Variants in MYO5B observed in about 807,000 individuals in gnomAD.
MYO5B encodes unconventional myosin-Vb.
MYO5B carries 143 observed loss-of-function variants against 229.3 expected under a neutral mutation model. That is an observed-to-expected ratio of 0.62 (90% CI 0.54 to 0.72). The LOEUF (loss-of-function observed/expected upper bound fraction) is 0.72, where lower values mean the gene tolerates loss of function less well. Among genes scored for constraint, MYO5B ranks in the 30% least tolerant of loss-of-function variants. The pLI is 0.00. For missense variants in MYO5B, 2,321 were observed against 2,331.0 expected (o/e 1.00, Z 0.09); for synonymous variants, 918 against 885.2 (o/e 1.04, Z -0.66).
intron 1 of MYO5B, among the ~76,000 whole-genome samples, chr18:50,094,196 T>G (rs1410733231): frequency 6.6e-6 from 1 of 152,182 alleles, no homozygotes; most frequent in African/African-American, 2.4e-5. Context: ...ACGGGTTGAT[T>G]TGGAAAGATA....
At chr18:50,032,354 G>C (rs1168041401) in intron 4 of MYO5B, among the ~76,000 whole-genome samples, 2 of 152,130 alleles carry the variant, frequency 1.3e-5, no homozygotes, top group Non-Finnish European at 2.9e-5. Flanking sequence ...ATAACTCTCA[G>C]AAATCATGCT....
At chr18:49,912,865 G>C (rs1043401950) in intron 17 of MYO5B, among the ~76,000 whole-genome samples, 3 of 152,218 alleles carry the variant, frequency 2.0e-5, no homozygotes, top group Non-Finnish European at 4.4e-5. Context: ...GCCTTACCTA[G>C]AGCACAGCTT....
At chr18:50,003,748 T>G (rs1383146034) in intron 4 of MYO5B, among the ~76,000 whole-genome samples, 5 of 152,236 alleles carry the variant, frequency 3.3e-5, no homozygotes, top group Non-Finnish European at 7.3e-5. Flanking sequence ...CCCAAATTTG[T>G]GTGTTCAGCC....
chr18:50,049,769 C>T (rs760581588), intron 2 of MYO5B, among the ~76,000 whole-genome samples: 5 of 152,152 alleles, frequency 3.3e-5, no homozygotes, highest in Non-Finnish European at 7.3e-5. Context: ...CTGCCCCACT[C>T]ATCTCTAATC....
chr18:49,845,393 C>G (rs1213614389), intron 33 of MYO5B, among the ~76,000 whole-genome samples: 2 of 152,202 alleles, frequency 1.3e-5, no homozygotes, highest in Non-Finnish European at 2.9e-5. Flanking sequence ...TCTGTTCTTC[C>G]TGGGTCCCTC....
intron 1 of MYO5B, among the ~76,000 whole-genome samples, chr18:50,131,225 C>G (rs1403407937): frequency 1.3e-5 from 2 of 152,214 alleles, no homozygotes; most frequent in African/African-American, 2.4e-5. Flanking sequence ...GAAAGGGAGT[C>G]CTAATTTGAA....
intron 4 of MYO5B, among the ~76,000 whole-genome samples, chr18:50,007,712 C>T (rs1161615887): frequency 1.3e-5 from 2 of 152,230 alleles, no homozygotes; most frequent in Non-Finnish European, 2.9e-5. Context: ...CCCCTTTGAT[C>T]TCACAGCTCT....
chr18:49,986,537 A>C (rs1025016498), intron 7 of MYO5B, among the ~76,000 whole-genome samples: 1 of 152,230 alleles, frequency 6.6e-6, no homozygotes, highest in Non-Finnish European at 1.5e-5. Flanking sequence ...ACTTGAACTG[A>C]GAGAGGAAGG....
chr18:49,985,587 C>T (rs1222047832), intron 7 of MYO5B, among the ~76,000 whole-genome samples: 1 of 152,120 alleles, frequency 6.6e-6, no homozygotes, highest in Non-Finnish European at 1.5e-5. Flanking sequence ...TGCATGTAAT[C>T]GAAGTTACCC....
intron 16 of MYO5B, among the ~76,000 whole-genome samples, chr18:49,930,796 G>A (rs975874566): frequency 6.6e-6 from 1 of 151,780 alleles, no homozygotes; most frequent in African/African-American, 2.4e-5. Context: ...GGAGGCTGAG[G>A]CAGAAGAATG....
At chr18:50,131,481 C>T (rs1289355135) in intron 1 of MYO5B, among the ~76,000 whole-genome samples, 1 of 152,250 alleles carries the variant, frequency 6.6e-6, no homozygotes, top group Admixed American at 6.5e-5. Context: ...CTCCCTCACT[C>T]CTGCCACTTC....
At chr18:50,044,400 C>T (rs1286931250) in intron 2 of MYO5B, among the ~76,000 whole-genome samples, 2 of 152,110 alleles carry the variant, frequency 1.3e-5, no homozygotes, top group Non-Finnish European at 2.9e-5. Flanking sequence ...ACAAAAGATT[C>T]CATCCACTCC....
intron 1 of MYO5B, 54 bp downstream of exon 1, chr18:50,194,713 G>A (rs2033277228): frequency 1.6e-6 from 2 of 1,286,794 alleles, no homozygotes; most frequent in South Asian, 1.3e-5. Flanking sequence ...AGTACTAGGT[G>A]GCCCCGAGCG....
At chr18:50,175,354 C>A (rs550001156) in intron 1 of MYO5B, among the ~76,000 whole-genome samples, 1 of 152,300 alleles carries the variant, frequency 6.6e-6, no homozygotes, top group East Asian at 1.9e-4. Flanking sequence ...TCCTAAAAGA[C>A]AACAGGTGGT....
At chr18:49,968,588 C>A (rs1270124755) in intron 10 of MYO5B, among the ~76,000 whole-genome samples, 3 of 152,106 alleles carry the variant, frequency 2.0e-5, no homozygotes, top group Non-Finnish European at 4.4e-5. Flanking sequence ...TTCCTTCAGG[C>A]CCCCCAATAA....
rs150271721 is a variant in MYO5B, at chr18:50,101,748, G to C, written c.28-46370C>G. Among the ~76,000 whole-genome samples, 25 of 152,318 alleles carry C rather than the reference G, an allele frequency of 1.6e-4. 1 individual carries two copies. The East Asian group carries it at 3.7e-3, about 22-fold the overall frequency. On this transcript the variant is annotated intron_variant, in intron 1 of 39. Transcript: ENST00000285039. Reference sequence around the variant, plus strand: ...AAAAGTAAAGAAACAATAGATGCTGGTGAGGCTGTGGAGAAATAGGAATGC... The same window carrying C: ...AAAAGTAAAGAAACAATAGATGCTGCTGAGGCTGTGGAGAAATAGGAATGC...
At chr18:50,002,398 C>T (rs1326376781) in intron 4 of MYO5B, among the ~76,000 whole-genome samples, 1 of 152,056 alleles carries the variant, frequency 6.6e-6, no homozygotes, top group East Asian at 1.9e-4. Flanking sequence ...CCCTTTAAAA[C>T]ACGTAGTAGG....
chr18:49,941,505 TAA>T (rs1296191300), intron 14 of MYO5B, among the ~76,000 whole-genome samples: 1 of 152,244 alleles, frequency 6.6e-6, no homozygotes, highest in Admixed American at 6.5e-5. Flanking sequence ...TGGAAGGAGA[TAA>T]AGAGACAAAT....
chr18:49,934,839 A>G (rs1787595), intron 16 of MYO5B, among the ~76,000 whole-genome samples: 2 of 152,008 alleles, frequency 1.3e-5, no homozygotes, highest in Non-Finnish European at 2.9e-5. Context: ...TTACATGACC[A>G]GAGTGTAGAA....
Sources: allele counts gnomAD v4.1 joint callset (sites outside exome capture counted in the v4.1 genomes callset), GRCh38; gene constraint gnomAD v4.1.1; transcripts MANE v1.5; gene names NCBI Gene and HGNC (gene_info 2026-07-23, HGNC 2026-07-21).